TSPAN15: variants seen among roughly 807,000 people sequenced by gnomAD.
TSPAN15 encodes tetraspanin 15, also known as tetraspanin-15.
TSPAN15 carries 20 observed loss-of-function variants against 34.5 expected under a neutral mutation model. The observed-to-expected ratio is 0.58, with a 90% CI of 0.41 to 0.84. The LOEUF (loss-of-function observed/expected upper bound fraction) is 0.84. Among genes scored for constraint, TSPAN15 ranks in the 40% least tolerant of loss-of-function variants. TSPAN15 has a pLI of 0.00. For synonymous variants in TSPAN15, 155 were observed against 153.9 expected (o/e 1.01, Z -0.05); for missense variants, 313 against 386.1 (o/e 0.81, Z 1.59).
chr10:69,505,145 GT>G (rs1296317513), intron 6 of TSPAN15, among the ~76,000 whole-genome samples: 3 of 152,176 alleles, frequency 2.0e-5, no homozygotes, highest in African/African-American at 7.2e-5. Context: ...ACAAACAGTG[GT>G]AATGTCCTAT....
chr10:69,481,956 A>G (rs1298839122), intron 1 of TSPAN15, among the ~76,000 whole-genome samples: 1 of 152,096 alleles, frequency 6.6e-6, no homozygotes, highest in East Asian at 1.9e-4. Flanking sequence ...GAAGATGTTG[A>G]TCATAAATGC....
chr10:69,526,393 T>G, the TSPAN15 span, among the ~76,000 whole-genome samples: 31 of 148,376 alleles, frequency 2.1e-4, 5 homozygotes, highest in African/African-American at 7.1e-4. Context: ...GAAAAGATAT[T>G]TCCCCAAGGA....
intron 6 of TSPAN15, among the ~76,000 whole-genome samples, chr10:69,505,064 T>C (rs532704207): frequency 6.6e-6 from 1 of 152,166 alleles, no homozygotes; most frequent in East Asian, 1.9e-4. Context: ...AGTGGGTGAT[T>C]CTGACACATG....
At chr10:69,517,136 G>C in the TSPAN15 span, among the ~76,000 whole-genome samples, 3 of 152,180 alleles carry the variant, frequency 2.0e-5, no homozygotes, top group African/African-American at 7.2e-5. Context: ...AGGTGTACGG[G>C]TGCCCTTTGA....
At chr10:69,476,956 G>A (rs1304317111) in intron 1 of TSPAN15, among the ~76,000 whole-genome samples, 3 of 152,058 alleles carry the variant, frequency 2.0e-5, no homozygotes, top group African/African-American at 7.2e-5. Context: ...GGTTTGGATT[G>A]GGGGCACTGC....
intron 5 of TSPAN15, among the ~76,000 whole-genome samples, chr10:69,501,978 C>A (rs752838157): frequency 2.0e-5 from 3 of 151,292 alleles, no homozygotes; most frequent in East Asian, 3.9e-4. Flanking sequence ...TCACCCCCCA[C>A]CCCCCCGCAC....
intron 5 of TSPAN15, among the ~76,000 whole-genome samples, chr10:69,501,673 G>T (rs1027875412): frequency 1.3e-5 from 2 of 152,156 alleles, no homozygotes; most frequent in Non-Finnish European, 2.9e-5. Flanking sequence ...CACTGAAAAG[G>T]AGCTGAGCCT....
chr10:69,469,426 T>C (rs35343660), intron 1 of TSPAN15, among the ~76,000 whole-genome samples: 58,578 of 152,036 alleles, frequency 0.39, 11,991 homozygotes, highest in Non-Finnish European at 0.45. Flanking sequence ...CCTGGACTTG[T>C]GATTGGCATC....
At chr10:69,511,840 A>T (rs1278327534), downstream of TSPAN15, among the ~76,000 whole-genome samples, 1 of 152,016 alleles carries the variant, frequency 6.6e-6, no homozygotes, top group Non-Finnish European at 1.5e-5. Context: ...TGACACAGGA[A>T]CAGAAAACCA....
At chr10:69,477,088 A>G (rs1841630852) in intron 1 of TSPAN15, among the ~76,000 whole-genome samples, 1 of 152,072 alleles carries the variant, frequency 6.6e-6, no homozygotes, top group South Asian at 2.1e-4. Flanking sequence ...AAGTTGGTGA[A>G]TACTTGCTGA....
chr10:69,539,563 G>GAGAAGGAGAAGGAGAAGGAGAAGAAGA, the TSPAN15 span, among the ~76,000 whole-genome samples: 67 of 101,392 alleles, frequency 6.6e-4, 1 homozygote, highest in African/African-American at 2.2e-3. Flanking sequence ...GAAGGAGAAG[G>GAGAAGGAGAAGGAGAAGGAGAAGAAGA]AGAAGAAGAC....
chr10:69,507,219 G>A lies in TSPAN15; in HGVS notation c.*241G>A, dbSNP rs1331490338. Reference sequence around the variant, plus strand: ...GAATCTGTGCCCACCTGGGGCCTGGGGAACAAGGCCCTCCTTTCTCCAGGC... The same window carrying A: ...GAATCTGTGCCCACCTGGGGCCTGGAGAACAAGGCCCTCCTTTCTCCAGGC... On this transcript the variant is annotated 3_prime_UTR_variant, in exon 8 of 8. Coordinates refer to ENST00000373290, the MANE Select transcript of TSPAN15 (RefSeq NM_012339.5). 6 of 1,401,360 alleles carry A rather than the reference G, an allele frequency of 4.3e-6. No individual in the cohort carries two copies. Among genetic ancestry groups the A allele is most frequent in the Non-Finnish European group, 3.7e-6 (4 of 1,082,500 alleles). 86.8% of individuals were successfully genotyped at this position (1,401,360 alleles called of 1,614,324 possible). A position where few individuals can be genotyped will look rare whatever the true frequency, so the allele number is the denominator to read the frequency against.
chr10:69,548,310 T>C, the TSPAN15 span, among the ~76,000 whole-genome samples: 3 of 152,242 alleles, frequency 2.0e-5, no homozygotes, highest in Admixed American at 6.5e-5. Context: ...GATCCTAAGA[T>C]AGTCCAGTCC....
intron 3 of TSPAN15, among the ~76,000 whole-genome samples, chr10:69,490,165 G>A (rs1009426753): frequency 1.3e-5 from 2 of 152,148 alleles, no homozygotes; most frequent in African/African-American, 4.8e-5. Context: ...TTTTATCATG[G>A]CACTGGCACA....
the TSPAN15 span, among the ~76,000 whole-genome samples, chr10:69,540,880 C>T: frequency 6.6e-6 from 1 of 152,056 alleles, no homozygotes; most frequent in Admixed American, 6.5e-5. Flanking sequence ...GTCCTGCGTT[C>T]AGGAGGAGAG....
the TSPAN15 span, among the ~76,000 whole-genome samples, chr10:69,547,512 C>G: frequency 6.6e-6 from 1 of 152,142 alleles, no homozygotes; most frequent in African/African-American, 2.4e-5. Context: ...AATGTCTACT[C>G]TCATAAATAG....
At chr10:69,455,727 T>C (rs28697194) in intron 1 of TSPAN15, among the ~76,000 whole-genome samples, 34,870 of 150,442 alleles carry the variant, frequency 0.23, 4,087 homozygotes, top group Non-Finnish European at 0.25. Context: ...TATATGTCTG[T>C]GGAGTAATTC....
At chr10:69,497,514 C>T (rs1249221715) in intron 4 of TSPAN15, among the ~76,000 whole-genome samples, 1 of 152,194 alleles carries the variant, frequency 6.6e-6, no homozygotes, top group Non-Finnish European at 1.5e-5. Flanking sequence ...ACAAAGAGCC[C>T]TTTCATGACC....
intron 3 of TSPAN15, among the ~76,000 whole-genome samples, chr10:69,491,322 C>T (rs191335571): frequency 5.8e-4 from 88 of 152,282 alleles, no homozygotes; most frequent in African/African-American, 1.1e-3. Context: ...TGGCTCCAGG[C>T]GCAAATGAAG....
Sources: gnomAD v4.1 joint callset for allele counts (sites outside exome capture counted in the v4.1 genomes callset) on GRCh38, gnomAD v4.1.1 for gene constraint, MANE v1.5 for transcripts, NCBI Gene and HGNC (gene_info 2026-07-23, HGNC 2026-07-21) for gene names.